Variants in CD8B observed in about 807,000 individuals in gnomAD.
CD8B encodes the protein CD8 subunit beta.
Under a neutral mutation model 24.2 loss-of-function variants are expected in CD8B, and 6 were observed. That is an observed-to-expected ratio of 0.25 (90% CI 0.14 to 0.49). The LOEUF (loss-of-function observed/expected upper bound fraction) is 0.49, where lower values mean the gene tolerates loss of function less well. CD8B is among the 20% of genes least tolerant of loss of function. The pLI is 0.98. For missense variants in CD8B, 196 were observed against 271.3 expected (o/e 0.72, Z 1.95); for synonymous variants, 84 against 108.3 (o/e 0.78, Z 1.39).
intron 5 of CD8B, among the ~76,000 whole-genome samples, chr2:86,826,592 C>T (rs952690132): frequency 5.3e-5 from 8 of 152,086 alleles, no homozygotes; most frequent in Admixed American, 5.2e-4. Flanking sequence ...CTTAATCCTG[C>T]CTGTATAGAT....
intron 3 of CD8B, among the ~76,000 whole-genome samples, chr2:86,849,211 G>A (rs1675850412): frequency 6.6e-6 from 1 of 152,278 alleles, no homozygotes; most frequent in East Asian, 1.9e-4. Context: ...GGAGGGAAGG[G>A]AGTGGGCTGC....
chr2:86,848,937 G>A (rs1221503859), intron 3 of CD8B, among the ~76,000 whole-genome samples: 276 of 150,726 alleles, frequency 1.8e-3, no homozygotes, highest in Non-Finnish European at 2.3e-3. Context: ...GGCTGGTCTC[G>A]AGCTCCTGAC....
At chr2:86,858,896 C>T (rs998219043) in intron 1 of CD8B, among the ~76,000 whole-genome samples, 4 of 152,050 alleles carry the variant, frequency 2.6e-5, no homozygotes, top group Admixed American at 1.3e-4. Context: ...TAGGCATGTA[C>T]CACCACAAAA....
downstream of CD8B, among the ~76,000 whole-genome samples, chr2:86,834,594 G>A (rs556948009): frequency 9.2e-5 from 14 of 152,102 alleles, no homozygotes; most frequent in Non-Finnish European, 1.9e-4. Context: ...TGGGATAGCT[G>A]TCCATTGAAC....
At chr2:86,830,826 A>T (rs927733330) in intron 5 of CD8B, among the ~76,000 whole-genome samples, 2 of 152,146 alleles carry the variant, frequency 1.3e-5, no homozygotes, top group Non-Finnish European at 2.9e-5. Flanking sequence ...AATCCATTTA[A>T]AAATGCATTC....
intron 5 of CD8B, chr2:86,822,315 T>C (rs1213612923): frequency 6.5e-7 from 1 of 1,537,822 alleles, no homozygotes; most frequent in Non-Finnish European, 9.0e-7. Flanking sequence ...ATCAAAATGT[T>C]TATACCTGTA....
intron 5 of CD8B, among the ~76,000 whole-genome samples, chr2:86,818,637 T>C (rs1463610893): frequency 1.3e-5 from 2 of 152,236 alleles, no homozygotes; most frequent in East Asian, 3.8e-4. Flanking sequence ...GTGTTCTGAC[T>C]GCTCCATGAC....
downstream of CD8B, among the ~76,000 whole-genome samples, chr2:86,834,648 C>T (rs1675097438): frequency 6.6e-6 from 1 of 151,930 alleles, no homozygotes; most frequent in East Asian, 1.9e-4. Context: ...ATAAGACAGA[C>T]GTTCCAGGCC....
Position 86,838,441 on chromosome 2 carries a change from CAA to C in CD8B, c.*3864_*3865del, listed in dbSNP as rs1166764539. On this transcript the variant is annotated 3_prime_UTR_variant, in exon 6 of 6. Coordinates refer to ENST00000390655, the MANE Select transcript of CD8B (RefSeq NM_004931.5). ...TTCTCTATTTTATGTATTATATTCT[CAA>C]GATTTCAATTTTATGTTTTAAAAAA... Among the ~76,000 whole-genome samples the C allele has an allele frequency of 6.6e-6, 1 of 151,632 alleles. No homozygotes were observed. Among genetic ancestry groups the C allele is most frequent in the Non-Finnish European group, 1.5e-5 (1 of 67,942 alleles).
rs1414640899 is a variant in CD8B, at chr2:86,839,136, G to A, written c.*3171C>T. 6.6e-6 allele frequency among the ~76,000 whole-genome samples: 1 copy of A among 152,146 alleles called. No individual in the cohort carries two copies. Among genetic ancestry groups the A allele is most frequent in the Non-Finnish European group, 1.5e-5 (1 of 68,042 alleles). On this transcript the variant is annotated 3_prime_UTR_variant, in exon 6 of 6. Coordinates refer to ENST00000390655, the MANE Select transcript of CD8B (RefSeq NM_004931.5). ...TGAATTTTAACAGTGACTACATATT[G>A]TGCCATATATTGTATTAAGAATAAT...
chr2:86,856,812 T>C (rs1172856131), intron 2 of CD8B, among the ~76,000 whole-genome samples: 3 of 149,702 alleles, frequency 2.0e-5, no homozygotes, highest in Non-Finnish European at 3.0e-5. Flanking sequence ...GCCATATGTT[T>C]TATGTAAAAT....
At chr2:86,817,552 A>T (rs1010637193) in intron 5 of CD8B, among the ~76,000 whole-genome samples, 2 of 152,210 alleles carry the variant, frequency 1.3e-5, no homozygotes, top group Admixed American at 6.5e-5. Flanking sequence ...CATTATTTAT[A>T]AAAAATAAAA....
chr2:86,835,192 C>G (rs62146875), downstream of CD8B, among the ~76,000 whole-genome samples: 26,553 of 151,560 alleles, frequency 0.18, 1,451 homozygotes, highest in Non-Finnish European at 0.21. Flanking sequence ...CTTCTCTCCT[C>G]CTTCATCCCC....
At chr2:86,824,037 G>A (rs1674583668) in intron 5 of CD8B, among the ~76,000 whole-genome samples, 1 of 151,298 alleles carries the variant, frequency 6.6e-6, no homozygotes, top group East Asian at 1.9e-4. Flanking sequence ...GGAGATGGCA[G>A]GCCTCAGCAC....
chr2:86,836,630 A>T (rs1052516940), downstream of CD8B, among the ~76,000 whole-genome samples: 1 of 151,630 alleles, frequency 6.6e-6, no homozygotes, highest in Admixed American at 6.6e-5. Context: ...TACCAAAAAT[A>T]AAAAAAAATT....
intron 3 of CD8B, among the ~76,000 whole-genome samples, chr2:86,850,842 G>A (rs965257287): frequency 6.6e-6 from 1 of 152,180 alleles, no homozygotes; most frequent in African/African-American, 2.4e-5. Flanking sequence ...TGTAATCCCA[G>A]CACTTTGGGA....
intron 5 of CD8B, among the ~76,000 whole-genome samples, chr2:86,818,917 A>G (rs1674360081): frequency 6.6e-6 from 1 of 152,256 alleles, no homozygotes; most frequent in Admixed American, 6.5e-5. Flanking sequence ...GAAGGAAATT[A>G]AAAGTACTAA....
At chr2:86,845,428 T>C (rs1366217796) in intron 4 of CD8B, among the ~76,000 whole-genome samples, 1 of 151,820 alleles carries the variant, frequency 6.6e-6, no homozygotes, top group Non-Finnish European at 1.5e-5. Context: ...AGCATGTCTA[T>C]TGACATTTGT....
At chr2:86,822,525 G>A (rs1674521213) in intron 5 of CD8B, 1 of 544,680 alleles carries the variant, frequency 1.8e-6, no homozygotes, top group Non-Finnish European at 3.2e-6. Context: ...GAAACCTATG[G>A]AAAGGTTGAC....
Sources: allele counts gnomAD v4.1 joint callset (sites outside exome capture counted in the v4.1 genomes callset), GRCh38; gene constraint gnomAD v4.1.1; transcripts MANE v1.5; gene names NCBI Gene and HGNC (gene_info 2026-07-23, HGNC 2026-07-21).